The following LUZP2 variants were observed in gnomAD, a reference collection of about 807,000 sequenced individuals.
LUZP2 encodes the protein leucine zipper protein 2.
LUZP2 carries 52 observed loss-of-function variants against 51.6 expected under a neutral mutation model. The observed-to-expected ratio is 1.01, with a 90% CI of 0.81 to 1.27. The LOEUF is 1.27. Among genes scored for constraint, LUZP2 ranks in the 50% most tolerant of loss-of-function variants. The probability of loss-of-function intolerance (pLI) is 0.00; values close to 1 mark genes in which losing one functional copy is unlikely to be tolerated. For missense variants in LUZP2, 436 were observed against 395.4 expected, an observed-to-expected ratio of 1.10 and a Z score of -0.87; for synonymous variants, 154 against 137.3, an observed-to-expected ratio of 1.12 and a Z score of -0.85.
rs1337478321 is a variant in LUZP2, at chr11:24,497,137, G to T, written c.-107G>T. On this transcript the variant is annotated 5_prime_UTR_variant, in exon 1 of 12. Coordinates refer to ENST00000336930, the MANE Select transcript of LUZP2 (RefSeq NM_001009909.4). ...CCGTCTCCGCCTTTCCGCCTCGGAA[G>T]AGCGCTCATCACTGGCTGGGGACAG... 9.8e-7 allele frequency: 1 copy of T among 1,023,088 alleles called. No homozygotes were observed. 63.4% of individuals were successfully genotyped at this position (1,023,088 alleles called of 1,614,324 possible).
At chr11:24,706,878 C>G (rs1313059941) in intron 1 of LUZP2, among the ~76,000 whole-genome samples, 1 of 151,890 alleles carries the variant, frequency 6.6e-6, no homozygotes, top group African/African-American at 2.4e-5. Context: ...GAACCTCTCT[C>G]TTCTCCTTCT....
intron 1 of LUZP2, among the ~76,000 whole-genome samples, chr11:24,541,258 A>AG (rs1851356415): frequency 5.1e-4 from 2 of 3,940 alleles, no homozygotes; most frequent in Non-Finnish European, 2.5e-3. Flanking sequence ...CATCTCAAGG[A>AG]AAAAAAAAAA....
chr11:25,050,062 A>C lies in LUZP2; in HGVS notation c.790A>C (p.Asn264His), dbSNP rs762515382. ...GCCTCAACAAAGTGCTTCTGGAAAC[A>C]ATGAGAGCTCTCAAGTTGAGTCAAC... The part of the protein sequence containing the change: ...SKPQQSASGN[N>H]ESSQVESTKE... The change falls in exon 10 of 12, where the codon AAT (asparagine) becomes CAT (histidine). Residue 264 changes from asparagine (N) to histidine (H), a missense_variant. By Grantham distance (68) the Asn-to-His change is moderately conservative (BLOSUM62 1). Coordinates refer to ENST00000336930, the MANE Select transcript of LUZP2 (RefSeq NM_001009909.4). 6.3e-7 allele frequency: 1 copy of C among 1,598,732 alleles called. No homozygotes were observed. The highest frequency in any genetic ancestry group is 1.1e-5 in the South Asian group (1 of 88,592).
chr11:24,536,846 T>C (rs1851194116), intron 1 of LUZP2, among the ~76,000 whole-genome samples: 1 of 151,936 alleles, frequency 6.6e-6, no homozygotes, highest in Admixed American at 6.6e-5. Context: ...TTACTAAGCT[T>C]GCTTATTTTT....
At chr11:24,786,511 ATGTG>A in intron 5 of LUZP2, 1 of 941,176 alleles carries the variant, frequency 1.1e-6, no homozygotes, top group Non-Finnish European at 1.3e-6. Flanking sequence ...AGAATAAAAT[ATGTG>A]TATATTTGTA....
At chr11:24,879,223 C>T (rs1027297223) in intron 5 of LUZP2, among the ~76,000 whole-genome samples, 7 of 152,104 alleles carry the variant, frequency 4.6e-5, no homozygotes, top group South Asian at 4.1e-4. Flanking sequence ...GGATTACAGG[C>T]GTGAGGCACC....
chr11:24,553,144 A>G (rs1025654257), intron 1 of LUZP2, among the ~76,000 whole-genome samples: 5 of 151,668 alleles, frequency 3.3e-5, no homozygotes, highest in African/African-American at 1.2e-4. Context: ...ATCTGTATAT[A>G]TAATTATATG....
chr11:24,845,453 A>T (rs1184746043), intron 5 of LUZP2, among the ~76,000 whole-genome samples: 2 of 152,174 alleles, frequency 1.3e-5, no homozygotes, highest in Non-Finnish European at 2.9e-5. Context: ...TTTTCAGTTA[A>T]TGCTGAAATG....
chr11:24,792,395 C>A lies in LUZP2; in HGVS notation c.396+29087C>A, dbSNP rs1849433415. ...TGAGCCAAGATTGCACCACTGCACT[C>A]CAGCCTGGTGACAGAGCAAGACTCT... On this transcript the variant is annotated intron_variant, in intron 5 of 11. Coordinates refer to ENST00000336930, the MANE Select transcript of LUZP2 (RefSeq NM_001009909.4). Among the ~76,000 whole-genome samples the A allele has an allele frequency of 2.6e-5, 4 of 151,690 alleles. No individual in the cohort carries two copies. The South Asian group carries it at 8.3e-4, about 32-fold the overall frequency.
intron 1 of LUZP2, among the ~76,000 whole-genome samples, chr11:24,511,916 G>A (rs2133777620): frequency 6.6e-6 from 1 of 151,998 alleles, no homozygotes; most frequent in Non-Finnish European, 1.5e-5. Context: ...ATTACACTGT[G>A]ATAATATGCA....
At chr11:24,828,306 C>T (rs530476150) in intron 5 of LUZP2, among the ~76,000 whole-genome samples, 103 of 152,224 alleles carry the variant, frequency 6.8e-4, no homozygotes, top group African/African-American at 2.3e-3. Flanking sequence ...ACTGGAATGA[C>T]TGATTTCATT....
At chr11:24,568,608 A>C (rs1161255493) in intron 1 of LUZP2, among the ~76,000 whole-genome samples, 1 of 151,990 alleles carries the variant, frequency 6.6e-6, no homozygotes, top group African/African-American at 2.4e-5. Context: ...AAAGAAAATA[A>C]GCATAAAATA....
chr11:24,940,959 G>T (rs1273409227), intron 7 of LUZP2, among the ~76,000 whole-genome samples: 1 of 152,032 alleles, frequency 6.6e-6, no homozygotes. Flanking sequence ...GTTTTGTTTT[G>T]CATGTTTAGT....
chr11:24,580,171 A>G (rs1852797698), intron 1 of LUZP2, among the ~76,000 whole-genome samples: 1 of 152,096 alleles, frequency 6.6e-6, no homozygotes, highest in Admixed American at 6.6e-5. Context: ...TAATCCACAG[A>G]TGTTTAGGCG....
rs190168020 is a variant in LUZP2, at chr11:24,611,486, G to T, written c.62+114181G>T. 8.7e-4 allele frequency among the ~76,000 whole-genome samples: 133 copies of T among 152,238 alleles called. No individual in the cohort carries two copies. The highest frequency in any genetic ancestry group is 3.1e-3 in the African/African-American group (129 of 41,532). ...GTGATATACACTCTAATAGATATAG[G>T]TGATCTCAGACAGGGCTTGTTAGAT... On this transcript the variant is annotated intron_variant, in intron 1 of 11. Transcript: ENST00000336930. This position sits in a 1 kb window ranked among gnomAD's most constrained non-coding sequence, Gnocchi z 4.6.
At chr11:24,958,510 T>C (rs1260926966) in intron 7 of LUZP2, among the ~76,000 whole-genome samples, 4 of 152,206 alleles carry the variant, frequency 2.6e-5, no homozygotes, top group Admixed American at 6.5e-5. Flanking sequence ...CCAGTGATGA[T>C]GAGCATTTTT....
intron 5 of LUZP2, among the ~76,000 whole-genome samples, chr11:24,776,117 A>G (rs1848911169): frequency 6.6e-6 from 1 of 152,200 alleles, no homozygotes; most frequent in African/African-American, 2.4e-5. Flanking sequence ...TTAGAACCAT[A>G]AGTTAAACTT....
At chr11:25,065,268 T>C (rs1166824864) in intron 10 of LUZP2, among the ~76,000 whole-genome samples, 1 of 152,058 alleles carries the variant, frequency 6.6e-6, no homozygotes, top group Non-Finnish European at 1.5e-5. Context: ...GGTACATCTT[T>C]ATTAAGGGCC....
At chr11:24,838,539 G>T (rs1413333703) in intron 5 of LUZP2, among the ~76,000 whole-genome samples, 1 of 151,546 alleles carries the variant, frequency 6.6e-6, no homozygotes, top group Non-Finnish European at 1.5e-5. Flanking sequence ...TATATTGTAC[G>T]CCGTGGGAGT....
Sources: allele counts gnomAD v4.1 joint callset (sites outside exome capture counted in the v4.1 genomes callset), GRCh38; gene constraint gnomAD v4.1.1; non-coding constraint Gnocchi (gnomAD v3.1); transcripts MANE v1.5; gene names NCBI Gene and HGNC (gene_info 2026-07-23, HGNC 2026-07-21).